ACYP2: variants seen among roughly 807,000 people sequenced by gnomAD.
ACYP2 encodes the protein acylphosphatase 2, also known as acylphosphatase-2.
A neutral mutation model predicts 11.2 loss-of-function variants in ACYP2; 12 were observed. That is an observed-to-expected ratio of 1.08 (90% CI 0.69 to 1.74). ACYP2 has a LOEUF of 1.74. Among genes scored for constraint, ACYP2 ranks in the 40% most tolerant of loss-of-function variants. The pLI is 0.00. For synonymous variants in ACYP2, 43 were observed against 32.2 expected, an observed-to-expected ratio of 1.33 and a Z score of -1.13; for missense variants, 134 against 101.9, an observed-to-expected ratio of 1.31 and a Z score of -1.35.
At chr2:54,252,125 A>C (rs1211126244) in intron 6 of ACYP2, among the ~76,000 whole-genome samples, 3 of 152,180 alleles carry the variant, frequency 2.0e-5, no homozygotes, top group Admixed American at 2.0e-4. Context: ...ACCACCATAG[A>C]TTAGTTTTAC....
intron 6 of ACYP2, among the ~76,000 whole-genome samples, chr2:54,191,697 G>T (rs978041703): frequency 6.6e-6 from 1 of 152,152 alleles, no homozygotes; most frequent in Non-Finnish European, 1.5e-5. Flanking sequence ...ATTACTGGAG[G>T]TGTCCATATA....
At chr2:54,025,086 A>G (rs1674209979) in intron 2 of ACYP2, among the ~76,000 whole-genome samples, 1 of 152,206 alleles carries the variant, frequency 6.6e-6, no homozygotes, top group Admixed American at 6.5e-5. Flanking sequence ...CTGCTGAAAG[A>G]AATCAGGGAC....
chr2:54,029,562 G>A (rs1456621310), intron 2 of ACYP2: 1 of 394,478 alleles, frequency 2.5e-6, no homozygotes, highest in Non-Finnish European at 4.9e-6. Flanking sequence ...TTCTCTGGGT[G>A]GAGCTGACTG....
chr2:54,146,736 T>C (rs1202321231), intron 6 of ACYP2, among the ~76,000 whole-genome samples: 1 of 152,132 alleles, frequency 6.6e-6, no homozygotes, highest in African/African-American at 2.4e-5. Flanking sequence ...TTTCCCCAAA[T>C]CTCTCTGAGG....
At chr2:54,091,674 G>A (rs1678241287) in intron 4 of ACYP2, among the ~76,000 whole-genome samples, 1 of 151,974 alleles carries the variant, frequency 6.6e-6, no homozygotes, top group Non-Finnish European at 1.5e-5. Context: ...ACCATGCCCG[G>A]CTAATTTGTG....
At chr2:54,099,266 A>G (rs528270000) in intron 4 of ACYP2, among the ~76,000 whole-genome samples, 1 of 152,348 alleles carries the variant, frequency 6.6e-6, no homozygotes, top group Admixed American at 6.5e-5. Flanking sequence ...ATTACCTCAA[A>G]TACTTACTTT....
chr2:53,992,221 T>C lies in ACYP2; in HGVS notation c.62+18411T>C, dbSNP rs1473561858. 2.6e-5 allele frequency among the ~76,000 whole-genome samples: 4 copies of C among 151,878 alleles called. No individual in the cohort carries two copies. In the East Asian group the frequency reaches 7.7e-4, roughly 29 times the overall value. ...CCTTCCTTCCTTTCTTCTTTCTCCT[T>C]CCTTCCTTCCTTCTTTTCACCAGTG... On this transcript the variant is annotated intron_variant, in intron 2 of 6. Coordinates refer to ENST00000607452, the MANE Select transcript of ACYP2 (RefSeq NM_001320586.2).
At chr2:54,098,422 T>A (rs1572748362) in intron 4 of ACYP2, among the ~76,000 whole-genome samples, 1 of 152,188 alleles carries the variant, frequency 6.6e-6, no homozygotes, top group African/African-American at 2.4e-5. Context: ...TCATTTCCTC[T>A]CCCTGCCATT....
At chr2:54,041,724 G>C (rs1234145538) in intron 2 of ACYP2, among the ~76,000 whole-genome samples, 1 of 152,210 alleles carries the variant, frequency 6.6e-6, no homozygotes, top group Non-Finnish European at 1.5e-5. Context: ...TAATATAAGT[G>C]AGTTTAAGCT....
chr2:54,256,258 C>T (rs1687527808), intron 6 of ACYP2: 2 of 1,333,472 alleles, frequency 1.5e-6, no homozygotes, highest in African/African-American at 2.9e-5. Context: ...TTTGCGCCGC[C>T]CACTCTTCAG....
intron 3 of ACYP2, chr2:54,051,407 C>A: frequency 1.4e-6 from 1 of 725,328 alleles, no homozygotes; most frequent in Non-Finnish European, 2.5e-6. Context: ...GTAGAGAAGG[C>A]CCATTATGAA....
intron 6 of ACYP2, among the ~76,000 whole-genome samples, chr2:54,194,355 T>C (rs1286937423): frequency 6.6e-6 from 1 of 152,160 alleles, no homozygotes; most frequent in Non-Finnish European, 1.5e-5. Context: ...CAACATTTTC[T>C]TTTGGGAACA....
chr2:54,099,756 C>T (rs868811946), intron 4 of ACYP2, among the ~76,000 whole-genome samples: 1 of 151,948 alleles, frequency 6.6e-6, no homozygotes, highest in Non-Finnish European at 1.5e-5. Flanking sequence ...TTGCAGTGAA[C>T]TTGGGAATGC....
intron 2 of ACYP2, among the ~76,000 whole-genome samples, chr2:53,988,837 C>A (rs1342106586): frequency 1.3e-5 from 2 of 152,092 alleles, no homozygotes; most frequent in African/African-American, 4.8e-5. Flanking sequence ...CCTCTGCCTC[C>A]CGGGTTCATG....
chr2:54,102,638 CAAAAAAAAAAAAAAAAA>C (rs58842257), intron 4 of ACYP2, among the ~76,000 whole-genome samples: 26 of 83,330 alleles, frequency 3.1e-4, no homozygotes, highest in South Asian at 2.9e-4. Flanking sequence ...TGGCTTAAGC[CAAAAAAAAAAAAAAAAA>C]AAAAAAAAAA....
chr2:54,024,508 T>C (rs1245557231), intron 2 of ACYP2, among the ~76,000 whole-genome samples: 2 of 152,216 alleles, frequency 1.3e-5, no homozygotes, highest in African/African-American at 2.4e-5. Flanking sequence ...TCTTAATAGA[T>C]GCAGAAAAAG....
At chr2:54,171,408 C>T (rs1441710562) in intron 6 of ACYP2, among the ~76,000 whole-genome samples, 1 of 152,178 alleles carries the variant, frequency 6.6e-6, no homozygotes, top group Non-Finnish European at 1.5e-5. Context: ...TGGCCAAATG[C>T]ATATCTTCTC....
At chr2:53,994,287 G>C (rs570635834) in intron 2 of ACYP2, among the ~76,000 whole-genome samples, 1 of 121,728 alleles carries the variant, frequency 8.2e-6, no homozygotes, top group Non-Finnish European at 1.6e-5. Context: ...CAGAGATCGC[G>C]CCCCTGCACT....
At chr2:54,215,532 A>G (rs1343296150) in intron 6 of ACYP2, among the ~76,000 whole-genome samples, 1 of 152,248 alleles carries the variant, frequency 6.6e-6, no homozygotes, top group Non-Finnish European at 1.5e-5. Context: ...ATCAGAAGAT[A>G]TAGATTAAAT....
Sources: allele counts gnomAD v4.1 joint callset (sites outside exome capture counted in the v4.1 genomes callset), GRCh38; gene constraint gnomAD v4.1.1; transcripts MANE v1.5; gene names NCBI Gene and HGNC (gene_info 2026-07-23, HGNC 2026-07-21).